Variants in CDH18 observed in about 807,000 individuals in gnomAD.
CDH18 encodes cadherin-18.
Under a neutral mutation model 67.9 loss-of-function variants are expected in CDH18, and 31 were observed. The ratio of observed to expected loss-of-function variants is 0.46; its 90% CI spans 0.34 to 0.62. The LOEUF is 0.62. CDH18 is among the 20% of genes least tolerant of loss of function. The pLI, the probability that CDH18 is intolerant of heterozygous loss-of-function variation, is 0.01. For missense variants in CDH18, 890 were observed against 975.5 expected (o/e 0.91, Z 1.17); for synonymous variants, 362 against 347.2 (o/e 1.04, Z -0.48).
chr5:19,670,673 G>C (rs1254081833), intron 5 of CDH18, among the ~76,000 whole-genome samples: 1 of 152,056 alleles, frequency 6.6e-6, no homozygotes, highest in Non-Finnish European at 1.5e-5. Flanking sequence ...ATCCTTTGAA[G>C]TCTATCCCAG....
At chr5:19,921,264 G>T (rs911268852) in intron 2 of CDH18, among the ~76,000 whole-genome samples, 1 of 152,138 alleles carries the variant, frequency 6.6e-6, no homozygotes, top group African/African-American at 2.4e-5. Flanking sequence ...GGGCATAGTG[G>T]CTCACACCTG....
At chr5:20,428,834 A>G (rs1229532843) in intron 1 of CDH18, among the ~76,000 whole-genome samples, 2 of 152,136 alleles carry the variant, frequency 1.3e-5, no homozygotes, top group Non-Finnish European at 2.9e-5. Flanking sequence ...TCTCAGATAT[A>G]GGAAAACAAT....
chr5:19,548,854 A>G lies in CDH18; in HGVS notation c.1254-4849T>C, dbSNP rs1736820299. ...CAACCTCTGCCTCCCGGGTTCAAAC[A>G]ATTCTCTTGCCTCAGCCTCCCGAGT... On this transcript the variant is annotated intron_variant, in intron 8 of 12. Coordinates refer to ENST00000382275, the MANE Select transcript of CDH18 (RefSeq NM_004934.5). 2.0e-5 allele frequency among the ~76,000 whole-genome samples: 3 copies of G among 151,526 alleles called. No homozygotes were observed. The South Asian group carries it at 6.2e-4, about 32-fold the overall frequency.
chr5:20,497,362 T>C (rs1753974073), intron 1 of CDH18, among the ~76,000 whole-genome samples: 1 of 152,188 alleles, frequency 6.6e-6, no homozygotes, highest in African/African-American at 2.4e-5. Flanking sequence ...TGTGGTCCCA[T>C]AAGATTATAA....
At chr5:19,943,124 A>C (rs1006550347) in intron 2 of CDH18, among the ~76,000 whole-genome samples, 1 of 152,142 alleles carries the variant, frequency 6.6e-6, no homozygotes, top group African/African-American at 2.4e-5. Context: ...ATATCATCCC[A>C]TATTCATCTT....
intron 1 of CDH18, among the ~76,000 whole-genome samples, chr5:20,544,742 G>A (rs556455432): frequency 2.0e-5 from 3 of 152,266 alleles, no homozygotes; most frequent in South Asian, 4.1e-4. Context: ...TGAGATTTGG[G>A]TGGGGACACA....
rs562886517 is a variant in CDH18, at chr5:20,514,501, G to T, written c.-580+60961C>A. 8.0e-4 allele frequency among the ~76,000 whole-genome samples: 122 copies of T among 152,094 alleles called. 1 individual carries two copies. The highest frequency in any genetic ancestry group is 2.8e-3 in the African/African-American group (117 of 41,440). Reference sequence around the variant, plus strand: ...CAGTATGTGGAAGTTTAGAGAGAGGGAGTTCAGACTTTTGTTTTGATGATC... The same window carrying T: ...CAGTATGTGGAAGTTTAGAGAGAGGTAGTTCAGACTTTTGTTTTGATGATC... On this transcript the variant is annotated intron_variant, in intron 1 of 14. Transcript: ENST00000507958.
At chr5:19,824,822 G>A (rs75704917) in intron 3 of CDH18, among the ~76,000 whole-genome samples, 1 of 152,086 alleles carries the variant, frequency 6.6e-6, no homozygotes, top group Non-Finnish European at 1.5e-5. Context: ...TAGCTGTGTG[G>A]GCAACACTTG....
chr5:19,769,259 T>C (rs1035732956), intron 3 of CDH18, among the ~76,000 whole-genome samples: 4 of 152,086 alleles, frequency 2.6e-5, no homozygotes, highest in African/African-American at 9.7e-5. Context: ...TGATATACAT[T>C]GCTATCAAAC....
chr5:19,990,149 C>T (rs1011935815), upstream of CDH18, among the ~76,000 whole-genome samples: 3 of 151,904 alleles, frequency 2.0e-5, no homozygotes, highest in African/African-American at 7.3e-5. Flanking sequence ...GCCCTGAGTG[C>T]CCAAAGAAAG....
chr5:19,991,372 G>A (rs1029504278), upstream of CDH18, among the ~76,000 whole-genome samples: 4 of 152,020 alleles, frequency 2.6e-5, no homozygotes, highest in African/African-American at 7.2e-5. Context: ...TATACAACTT[G>A]ATATTTTGAT....
intron 3 of CDH18, among the ~76,000 whole-genome samples, chr5:19,769,835 T>C (rs1432166733): frequency 1.3e-5 from 2 of 151,904 alleles, no homozygotes; most frequent in Admixed American, 6.6e-5. Flanking sequence ...ATGTACAAAT[T>C]ATTATATCTG....
intron 1 of CDH18, chr5:20,304,596 T>C: frequency 6.2e-7 from 1 of 1,612,006 alleles, no homozygotes; most frequent in Non-Finnish European, 8.5e-7. Context: ...GGACAGAGCT[T>C]AATGAGCCCA....
intron 1 of CDH18, among the ~76,000 whole-genome samples, chr5:20,465,295 G>C (rs1294899644): frequency 6.6e-6 from 1 of 151,914 alleles, no homozygotes; most frequent in East Asian, 1.9e-4. Context: ...AAATTCAGGG[G>C]AAGCACTAAC....
intron 1 of CDH18, among the ~76,000 whole-genome samples, chr5:20,549,316 A>G (rs976740251): frequency 6.6e-6 from 1 of 152,156 alleles, no homozygotes; most frequent in Admixed American, 6.6e-5. Context: ...CACATTCTAT[A>G]TATACAAACA....
At chr5:20,571,001 A>G (rs1012973862) in intron 1 of CDH18, among the ~76,000 whole-genome samples, 3 of 152,138 alleles carry the variant, frequency 2.0e-5, no homozygotes, top group Admixed American at 6.5e-5. Flanking sequence ...AACATCATCT[A>G]AGTCCATTAG....
intron 11 of CDH18, among the ~76,000 whole-genome samples, chr5:19,494,579 G>A (rs902009424): frequency 9.9e-5 from 15 of 152,106 alleles, no homozygotes; most frequent in Non-Finnish European, 1.5e-4. Context: ...AAATTTTCAT[G>A]TTAGCTCAAA....
Position 20,249,382 on chromosome 5 carries a change from C to CTTT in CDH18, c.-518+6059_-518+6061dup, listed in dbSNP as rs11395247. ...GAAATAACTATTAACTCCTTTAAAA[C>CTTT]TTTTTTTTTTTTTTTTTTGAGACGG... On this transcript the variant is annotated intron_variant, in intron 2 of 14. Transcript: ENST00000507958. 3.8e-4 allele frequency among the ~76,000 whole-genome samples: 49 copies of CTTT among 129,714 alleles called. 1 individual carries two copies. The highest frequency in any genetic ancestry group is 4.9e-4 in the Non-Finnish European group (31 of 63,476). 85.1% of individuals were successfully genotyped at this position (129,714 alleles called of 152,430 possible).
chr5:19,938,618 T>C (rs1794519190), intron 2 of CDH18, among the ~76,000 whole-genome samples: 1 of 151,618 alleles, frequency 6.6e-6, no homozygotes, highest in Non-Finnish European at 1.5e-5. Context: ...ATGGCTAACT[T>C]TGACTTTCTA....
Sources: allele counts gnomAD v4.1 joint callset (sites outside exome capture counted in the v4.1 genomes callset), GRCh38; gene constraint gnomAD v4.1.1; transcripts MANE v1.5; gene names NCBI Gene and HGNC (gene_info 2026-07-23, HGNC 2026-07-21).